FAT3: variants seen among roughly 807,000 people sequenced by gnomAD.
FAT3 encodes protocadherin Fat 3.
A neutral mutation model predicts 310.2 loss-of-function variants in FAT3; 95 were observed. The observed-to-expected ratio is 0.31, with a 90% CI of 0.26 to 0.36. The LOEUF is 0.36. FAT3 is among the 10% of genes least tolerant of loss of function. FAT3 has a pLI of 1.00. For synonymous variants in FAT3, 2,314 were observed against 2,192.9 expected (o/e 1.06, Z -1.54); for missense variants, 5,408 against 5,715.6 (o/e 0.95, Z 1.74).
At chr11:92,453,447 C>T (rs1951414080) in intron 2 of FAT3, among the ~76,000 whole-genome samples, 1 of 151,846 alleles carries the variant, frequency 6.6e-6, no homozygotes, top group Non-Finnish European at 1.5e-5. Context: ...TTGTACCTAT[C>T]CAGATTTCAA....
intron 2 of FAT3, among the ~76,000 whole-genome samples, chr11:92,509,585 C>A (rs566782328): frequency 6.6e-6 from 1 of 152,084 alleles, no homozygotes; most frequent in East Asian, 1.9e-4. Context: ...GAGGAGAGAA[C>A]ATTCTTACAC....
intron 3 of FAT3, among the ~76,000 whole-genome samples, chr11:92,629,721 T>C (rs983108013): frequency 6.6e-6 from 1 of 152,122 alleles, no homozygotes; most frequent in Non-Finnish European, 1.5e-5. Context: ...TCCTTCCCCT[T>C]CTTCAGCACC....
Position 92,507,471 on chromosome 11 carries a change from G to A in FAT3, c.3293-17163G>A, listed in dbSNP as rs972338502. ...CTGATGCTTTTATATGTATATATAT[G>A]TGTGGGGGTGTGTGTATATACACAC... On this transcript the variant is annotated intron_variant, in intron 2 of 27. Coordinates refer to ENST00000525166, the MANE Select transcript of FAT3 (RefSeq NM_001367949.2). 2.6e-5 allele frequency among the ~76,000 whole-genome samples: 4 copies of A among 151,872 alleles called. No homozygotes were observed. The South Asian group carries it at 8.3e-4, about 31-fold the overall frequency.
intron 2 of FAT3, among the ~76,000 whole-genome samples, chr11:92,377,608 A>G (rs981272370): frequency 6.6e-6 from 1 of 152,204 alleles, no homozygotes; most frequent in Non-Finnish European, 1.5e-5. Context: ...ATTTACATCA[A>G]TTGGCAATAC....
rs72962496 is a variant in FAT3, at chr11:92,817,371, C to T, written c.9481+7295C>T. On this transcript the variant is annotated intron_variant, in intron 13 of 27. Coordinates refer to ENST00000525166, the MANE Select transcript of FAT3 (RefSeq NM_001367949.2). ...CTGAGTCTTCCAGAATACTGCCTTT[C>T]CCCTAAAGTTAATAGTTTGATCCTC... is the stretch of plus-strand genomic sequence containing the variant. Among the ~76,000 whole-genome samples, 534 of 152,304 alleles carry T rather than the reference C, an allele frequency of 3.5e-3. 4 individuals carry two copies. Among genetic ancestry groups the T allele is most frequent in the South Asian group, 6.0e-3 (29 of 4,816 alleles).
At chr11:92,449,027 A>G (rs1430020904) in intron 2 of FAT3, among the ~76,000 whole-genome samples, 2 of 152,094 alleles carry the variant, frequency 1.3e-5, no homozygotes, top group African/African-American at 4.8e-5. Flanking sequence ...GATTCAGCCA[A>G]CATTTAGTGA....
chr11:92,425,978 G>T (rs2135000766), intron 2 of FAT3, among the ~76,000 whole-genome samples: 1 of 152,236 alleles, frequency 6.6e-6, no homozygotes. Flanking sequence ...TACAATGGTT[G>T]AACTAATTTA....
chr11:92,635,193 G>A (rs1338163648), intron 3 of FAT3, among the ~76,000 whole-genome samples: 1 of 152,040 alleles, frequency 6.6e-6, no homozygotes, highest in African/African-American at 2.4e-5. Flanking sequence ...ATCATCATGA[G>A]GTCTGTGCAT....
intron 13 of FAT3, among the ~76,000 whole-genome samples, chr11:92,821,816 C>T (rs1420128716): frequency 6.6e-6 from 1 of 152,154 alleles, no homozygotes. Flanking sequence ...CCATAAACCC[C>T]TCCCTGAATT....
At chr11:92,675,874 T>G (rs1943272937) in intron 3 of FAT3, among the ~76,000 whole-genome samples, 1 of 152,266 alleles carries the variant, frequency 6.6e-6, no homozygotes, top group South Asian at 2.1e-4. Flanking sequence ...TTAGGTTGAT[T>G]GGGTAATTTT....
intron 2 of FAT3, among the ~76,000 whole-genome samples, chr11:92,361,740 A>G (rs1001208654): frequency 1.3e-5 from 2 of 152,228 alleles, no homozygotes; most frequent in African/African-American, 4.8e-5. Flanking sequence ...AGAGGAGTGA[A>G]TAATTACTGA....
intron 4 of FAT3, among the ~76,000 whole-genome samples, chr11:92,726,604 A>G (rs959719289): frequency 1.3e-5 from 2 of 152,122 alleles, no homozygotes; most frequent in Non-Finnish European, 2.9e-5. Context: ...CACACGTGAC[A>G]TGATAAAATT....
intron 3 of FAT3, among the ~76,000 whole-genome samples, chr11:92,580,305 C>T (rs1045394898): frequency 6.6e-6 from 1 of 152,038 alleles, no homozygotes; most frequent in Non-Finnish European, 1.5e-5. Context: ...CAATGTCCCA[C>T]TTTGTCTAGT....
At chr11:92,626,097 C>A (rs929103396) in intron 3 of FAT3, among the ~76,000 whole-genome samples, 1 of 152,120 alleles carries the variant, frequency 6.6e-6, no homozygotes, top group African/African-American at 2.4e-5. Context: ...AGGTTTGGAA[C>A]GTGACCAAGT....
chr11:92,479,527 A>T (rs531993439), intron 2 of FAT3, among the ~76,000 whole-genome samples: 4 of 152,306 alleles, frequency 2.6e-5, no homozygotes, highest in African/African-American at 9.6e-5. Flanking sequence ...TTAAAATCTG[A>T]TAAAATCATG....
chr11:92,430,339 C>T (rs1057453065), intron 2 of FAT3, among the ~76,000 whole-genome samples: 6 of 152,040 alleles, frequency 3.9e-5, no homozygotes, highest in African/African-American at 1.2e-4. Flanking sequence ...TCTGTCAATT[C>T]GTCAAACTCA....
chr11:92,583,943 G>A (rs971874860), intron 3 of FAT3, among the ~76,000 whole-genome samples: 1 of 151,970 alleles, frequency 6.6e-6, no homozygotes, highest in Admixed American at 6.6e-5. Flanking sequence ...AATTTCTTTT[G>A]GTACTAAACG....
Position 92,880,895 on chromosome 11 carries a change from T to A in FAT3, c.12281+11T>A, listed in dbSNP as rs2136399651. The A allele has an allele frequency of 6.2e-7, 1 of 1,612,304 alleles. No individual in the cohort carries two copies. On this transcript the variant is annotated intron_variant, in intron 23 of 27. Coordinates refer to ENST00000525166, the MANE Select transcript of FAT3 (RefSeq NM_001367949.2). ...GCTCACTGGAGTCACGTAAGTGAGA[T>A]TACATAAGTGTCTTTCTCTACACTG...
At chr11:92,702,207 G>A (rs1254142791) in intron 4 of FAT3, among the ~76,000 whole-genome samples, 2 of 152,182 alleles carry the variant, frequency 1.3e-5, no homozygotes, top group African/African-American at 4.8e-5. Flanking sequence ...ATGAATGGTA[G>A]CCATGGTCAG....
Sources: allele counts gnomAD v4.1 joint callset (sites outside exome capture counted in the v4.1 genomes callset), GRCh38; gene constraint gnomAD v4.1.1; transcripts MANE v1.5; gene names NCBI Gene and HGNC (gene_info 2026-07-23, HGNC 2026-07-21).